The following LIPA variants were observed in gnomAD, a reference collection of about 807,000 sequenced individuals.
LIPA encodes the protein lipase A, lysosomal acid type.
In LIPA, 26 loss-of-function variants were observed where a neutral mutation model predicts 40.6. The ratio of observed to expected loss-of-function variants is 0.64; its 90% CI spans 0.47 to 0.89. The LOEUF is 0.89. LIPA is among the 40% of genes least tolerant of loss of function. LIPA has a pLI of 0.00. For missense variants in LIPA, 455 were observed against 479.6 expected (o/e 0.95, Z 0.48); for synonymous variants, 188 against 168.4 (o/e 1.12, Z -0.90).
chr10:89,213,896 A>G lies in LIPA; in HGVS notation c.*932T>C, dbSNP rs190563011. On this transcript the variant is annotated 3_prime_UTR_variant, in exon 10 of 10. Transcript: ENST00000336233. ...TTGCATCCGAAAACATCACGTTCAC[A>G]CTTCATTTGGGTGAAAATGAACAAG... 12 of 152,348 alleles carry G rather than the reference A, an allele frequency of 7.9e-5. No individual in the cohort carries two copies. The highest frequency in any genetic ancestry group is 2.9e-4 in the African/African-American group (12 of 41,580). The allele number at this position is 152,348 out of a possible 1,614,324, so 9.4% of individuals were successfully genotyped here.
chr10:89,408,613 C>T (rs1022053302), intron 2 of LIPA, among the ~76,000 whole-genome samples: 1 of 152,210 alleles, frequency 6.6e-6, no homozygotes, highest in African/African-American at 2.4e-5. Flanking sequence ...TACATGTCCC[C>T]TGCTCCCTCT....
At chr10:89,269,053 G>A (rs1843252119) in intron 1 of LIPA, among the ~76,000 whole-genome samples, 1 of 150,814 alleles carries the variant, frequency 6.6e-6, no homozygotes, top group African/African-American at 2.4e-5. Context: ...GGCCAGGCAC[G>A]GTGGTTCACA....
At position 89,247,846 on chromosome 10, in the gene LIPA, TTTTATTTA is replaced by T. The variant is rs3063809; in HGVS notation, c.-1-205_-1-198del. On this transcript the variant is annotated intron_variant, in intron 1 of 9. Transcript: ENST00000336233. ...TTTAAATTTTATTTATTTATTTTTA[TTTTATTTA>T]TTTATTTATTTATTTATTTATTTAT... is the stretch of plus-strand genomic sequence containing the variant. 58,742 of 164,030 alleles carry T rather than the reference TTTTATTTA, an allele frequency of 0.36. 11,244 individuals carry two copies. Among genetic ancestry groups the T allele is most frequent in the East Asian group, 0.57 (3,359 of 5,918 alleles). 10.2% of individuals were successfully genotyped at this position (164,030 alleles called of 1,614,324 possible). A position where few individuals can be genotyped will look rare whatever the true frequency, so the allele number is the denominator to read the frequency against.
intron 3 of LIPA, among the ~76,000 whole-genome samples, chr10:89,231,158 C>A (rs1283618318): frequency 6.6e-6 from 1 of 151,978 alleles, no homozygotes; most frequent in Non-Finnish European, 1.5e-5. Flanking sequence ...TACAGCTGTG[C>A]AAAATTAATG....
At chr10:89,238,079 G>A (rs1842927018) in intron 3 of LIPA, among the ~76,000 whole-genome samples, 1 of 152,220 alleles carries the variant, frequency 6.6e-6, no homozygotes, top group African/African-American at 2.4e-5. Flanking sequence ...CTGGAGAAAA[G>A]TGTATCCAGA....
upstream of LIPA, among the ~76,000 whole-genome samples, chr10:89,346,408 T>C (rs1843921897): frequency 6.6e-6 from 1 of 152,230 alleles, no homozygotes; most frequent in South Asian, 2.1e-4. Context: ...ACCTGGGATC[T>C]TCCCCAAAAT....
intron 3 of LIPA, among the ~76,000 whole-genome samples, chr10:89,243,833 G>C (rs1842992341): frequency 6.6e-6 from 1 of 152,218 alleles, no homozygotes. Flanking sequence ...GATATAGGAG[G>C]AGAGCTCTCA....
At chr10:89,370,735 G>A (rs1356728616) in intron 2 of LIPA, among the ~76,000 whole-genome samples, 2 of 152,070 alleles carry the variant, frequency 1.3e-5, no homozygotes, top group Non-Finnish European at 2.9e-5. Context: ...GTGTCTCCAG[G>A]GGCCAAGTGT....
intron 2 of LIPA, chr10:89,362,593 T>C: frequency 3.0e-6 from 1 of 332,732 alleles, no homozygotes; most frequent in Non-Finnish European, 5.8e-6. Flanking sequence ...CAACTTTGCC[T>C]GGGCTGGGGC....
chr10:89,414,217 T>C (rs1841505703), intron 1 of LIPA, among the ~76,000 whole-genome samples: 5 of 152,164 alleles, frequency 3.3e-5, no homozygotes. Context: ...AGCATTGCAG[T>C]GTTGCTTGTT....
intron 2 of LIPA, among the ~76,000 whole-genome samples, chr10:89,382,398 T>C (rs1844169882): frequency 6.6e-6 from 1 of 152,238 alleles, no homozygotes; most frequent in Non-Finnish European, 1.5e-5. Flanking sequence ...TCTTCCTTCA[T>C]GTTCTTATAG....
At position 89,245,718 on chromosome 10, in the gene LIPA, G is replaced by A. The variant is rs1843014783; in HGVS notation, c.187C>T (p.Leu63Phe). ...TTCCTCCCATGAGGAATTCGGTTAA[G>A]GCACAGAATATATCCATCTTCTGTC... ...VETEDGYILC[L>F]NRIPHGRKNH... The change falls in exon 3 of 10, where the codon CTT becomes TTT. Residue 63 changes from leucine (L) to phenylalanine (F), a missense_variant. Leu to Phe is a conservative substitution (Grantham distance 22). Transcript: ENST00000336233. 1 of 1,604,638 alleles carries A rather than the reference G, an allele frequency of 6.2e-7. No homozygotes were observed. Among genetic ancestry groups the A allele is most frequent in the Non-Finnish European group, 8.5e-7 (1 of 1,171,580 alleles).
At position 89,223,881 on chromosome 10, in the gene LIPA, A is replaced by G. The variant is rs752610226; in HGVS notation, c.676-51T>C. On this transcript the variant is annotated intron_variant, in intron 6 of 9. Coordinates refer to ENST00000336233, the MANE Select transcript of LIPA (RefSeq NM_000235.4). ...ACATCTCAGCATTTCACTCTGGTGC[A>G]TAAGTCTCCGTGACTCACCTCAGAA... 5.0e-6 allele frequency: 8 copies of G among 1,591,872 alleles called. No individual in the cohort carries two copies. The South Asian group carries it at 5.5e-5, about 11-fold the overall frequency.
intron 1 of LIPA, among the ~76,000 whole-genome samples, chr10:89,279,502 T>C (rs1185850044): frequency 6.6e-6 from 1 of 152,194 alleles, no homozygotes; most frequent in African/African-American, 2.4e-5. Flanking sequence ...TTTGCATTTA[T>C]GGAAGGATTC....
At chr10:89,399,422 G>T (rs1027633564) in intron 2 of LIPA, among the ~76,000 whole-genome samples, 3 of 151,998 alleles carry the variant, frequency 2.0e-5, no homozygotes. Context: ...TGTGATTTTG[G>T]TATCATATCT....
upstream of LIPA, among the ~76,000 whole-genome samples, chr10:89,254,149 G>A (rs2133483072): frequency 6.6e-6 from 1 of 152,296 alleles, no homozygotes; most frequent in South Asian, 2.1e-4. Context: ...GCCCCATTGG[G>A]GACTCTGTGT....
chr10:89,363,799 G>T (rs1038280347), intron 2 of LIPA, among the ~76,000 whole-genome samples: 127 of 151,306 alleles, frequency 8.4e-4, no homozygotes, highest in African/African-American at 3.0e-3. Context: ...AAAAGCGAGG[G>T]GGGGCGGGTG....
rs891297331 is a variant in LIPA, at chr10:89,412,924, T to C, written c.-71-2A>G. Reference sequence around the variant, plus strand: ...GAAGTCACCAAGACCAAAAACCTACTGGAAGGAACCAATTCCGGACACACC... The same window carrying C: ...GAAGTCACCAAGACCAAAAACCTACCGGAAGGAACCAATTCCGGACACACC... On this transcript the variant is annotated splice_acceptor_variant, in intron 1 of 8. Coordinates refer to the LIPA transcript ENST00000371837. LOFTEE classifies it low-confidence loss of function (5UTR_SPLICE). 1 of 256,886 alleles carries C rather than the reference T, an allele frequency of 3.9e-6. No homozygotes were observed. The highest frequency in any genetic ancestry group is 8.0e-6 in the Non-Finnish European group (1 of 125,116). 15.9% of individuals were successfully genotyped at this position (256,886 alleles called of 1,614,324 possible).
At chr10:89,387,056 C>A (rs942845994) in intron 2 of LIPA, among the ~76,000 whole-genome samples, 4 of 151,980 alleles carry the variant, frequency 2.6e-5, no homozygotes, top group African/African-American at 9.7e-5. Context: ...GTGGCTCACG[C>A]CTGTAATCCC....
Sources: gnomAD v4.1 joint callset for allele counts (sites outside exome capture counted in the v4.1 genomes callset) on GRCh38, gnomAD v4.1.1 for gene constraint, MANE v1.5 for transcripts, NCBI Gene and HGNC (gene_info 2026-07-23, HGNC 2026-07-21) for gene names.